UTRN: variants seen among roughly 807,000 people sequenced by gnomAD.
UTRN encodes the protein utrophin.
A neutral mutation model predicts 463.9 loss-of-function variants in UTRN; 283 were observed. The ratio of observed to expected loss-of-function variants is 0.61; its 90% CI spans 0.55 to 0.67. The LOEUF is 0.67. Ranked by LOEUF, UTRN falls within the 30% of genes least tolerant of loss-of-function variation. The pLI, the probability that UTRN is intolerant of heterozygous loss-of-function variation, is 0.00. For synonymous variants in UTRN, 1,442 were observed against 1,431.5 expected (o/e 1.01, Z -0.17); for missense variants, 3,922 against 4,084.3 (o/e 0.96, Z 1.08).
At chr6:144,798,087 G>T in intron 64 of UTRN, 97 bp downstream of exon 64, 2 of 1,538,674 alleles carry the variant, frequency 1.3e-6, no homozygotes, top group Middle Eastern at 1.7e-4. Context: ...CCCATTTGGA[G>T]GTTTGCTTTC....
intron 46 of UTRN, among the ~76,000 whole-genome samples, chr6:144,545,590 T>C (rs957092273): frequency 2.0e-5 from 3 of 152,260 alleles, no homozygotes; most frequent in African/African-American, 7.2e-5. Context: ...ATGTTTCACA[T>C]ACTCACTTCC....
chr6:144,626,708 C>T (rs567782519), intron 51 of UTRN, among the ~76,000 whole-genome samples: 5 of 152,054 alleles, frequency 3.3e-5, no homozygotes, highest in South Asian at 2.1e-4. Context: ...GGCACAATTT[C>T]GGCTCGCTGC....
chr6:144,590,263 T>A (rs1562616053), intron 51 of UTRN, among the ~76,000 whole-genome samples: 4 of 152,198 alleles, frequency 2.6e-5, no homozygotes, highest in Admixed American at 6.5e-5. Context: ...TAAAGATTTT[T>A]AAAAATGAGT....
chr6:144,384,109 T>C (rs1471199609), intron 2 of UTRN, among the ~76,000 whole-genome samples: 2 of 152,218 alleles, frequency 1.3e-5, no homozygotes, highest in African/African-American at 2.4e-5. Flanking sequence ...CCATTTGAAA[T>C]GTACATACAT....
At chr6:144,792,491 G>A (rs980235836) in intron 62 of UTRN, among the ~76,000 whole-genome samples, 1 of 151,864 alleles carries the variant, frequency 6.6e-6, no homozygotes, top group Non-Finnish European at 1.5e-5. Flanking sequence ...AGGTTGCAGC[G>A]AGCCAAGATC....
chr6:144,732,295 T>C lies in UTRN; in HGVS notation c.7939+1809T>C, dbSNP rs866892869. ...ATATATATACACACATATATATATA[T>C]ACACATATATATATATAAAAAATGT... On this transcript the variant is annotated intron_variant, in intron 54 of 74. Coordinates refer to ENST00000367545, the MANE Select transcript of UTRN (RefSeq NM_007124.3). Among the ~76,000 whole-genome samples, 252 of 119,006 alleles carry C rather than the reference T, an allele frequency of 2.1e-3. 3 individuals are homozygous for C. Among genetic ancestry groups the C allele is most frequent in the African/African-American group, 6.3e-3 (205 of 32,412 alleles). 78.1% of individuals were successfully genotyped at this position (119,006 alleles called of 152,430 possible).
At chr6:144,571,498 A>C (rs777385071) in intron 50 of UTRN, among the ~76,000 whole-genome samples, 42 of 152,268 alleles carry the variant, frequency 2.8e-4, no homozygotes, top group Non-Finnish European at 3.4e-4. Flanking sequence ...TCTAAATAAA[A>C]TGGGTATGCC....
chr6:144,505,224 A>G (rs1794595871), intron 34 of UTRN, among the ~76,000 whole-genome samples: 1 of 152,098 alleles, frequency 6.6e-6, no homozygotes, highest in Non-Finnish European at 1.5e-5. Context: ...TCCTGGATTC[A>G]TTGAATTTTT....
chr6:144,735,875 CAT>C (rs1330817949), intron 54 of UTRN, among the ~76,000 whole-genome samples: 5 of 151,574 alleles, frequency 3.3e-5, no homozygotes, highest in African/African-American at 7.3e-5. Context: ...TTTGGGCACA[CAT>C]GTTTCAAATC....
At chr6:144,478,153 A>C (rs931187205) in intron 25 of UTRN, among the ~76,000 whole-genome samples, 1 of 152,222 alleles carries the variant, frequency 6.6e-6, no homozygotes, top group Non-Finnish European at 1.5e-5. Context: ...CATATAAAAC[A>C]AATCAACAAA....
At chr6:144,848,691 GTTGGAGGACAGGACCA>G (rs1435204744) in intron 74 of UTRN, among the ~76,000 whole-genome samples, 1 of 152,168 alleles carries the variant, frequency 6.6e-6, no homozygotes, top group Admixed American at 6.5e-5. Flanking sequence ...GGCTAAGAAG[GTTGGAGGACAGGACCA>G]TTGGAGGAAA....
chr6:144,421,996 C>T (rs780532072), intron 4 of UTRN, 26 bp downstream of exon 4: 17 of 1,582,034 alleles, frequency 1.1e-5, no homozygotes, highest in East Asian at 6.9e-5. Flanking sequence ...TTGTAAACAA[C>T]GGAGTCTCCG....
intron 2 of UTRN, among the ~76,000 whole-genome samples, chr6:144,325,403 CT>C (rs1415876464): frequency 6.6e-6 from 1 of 152,110 alleles, no homozygotes; most frequent in Non-Finnish European, 1.5e-5. Flanking sequence ...GCCCTTTCAC[CT>C]TTTTCCATGG....
chr6:144,454,215 A>G (rs1399513425), intron 19 of UTRN, among the ~76,000 whole-genome samples: 6 of 152,118 alleles, frequency 3.9e-5, no homozygotes, highest in Admixed American at 1.3e-4. Flanking sequence ...GCAAAAGAAA[A>G]CTTTACTTGG....
intron 2 of UTRN, among the ~76,000 whole-genome samples, chr6:144,392,331 A>G (rs113091957): frequency 6.6e-6 from 1 of 152,336 alleles, no homozygotes; most frequent in African/African-American, 2.4e-5. Flanking sequence ...GATAACTAAA[A>G]TCCTCCAGCC....
intron 50 of UTRN, among the ~76,000 whole-genome samples, chr6:144,573,929 T>C (rs565079170): frequency 5.3e-5 from 8 of 152,276 alleles, no homozygotes; most frequent in African/African-American, 1.7e-4. Context: ...GATTAATCAT[T>C]GTTTGAAGAG....
rs561495582 is a variant in UTRN at position 144,286,988 on chromosome 6, G to C, written c.-93+1167G>C. On this transcript the variant is annotated intron_variant, in intron 1 of 74. Transcript: ENST00000367545. This position sits in a 1 kb window ranked among gnomAD's most constrained non-coding sequence, Gnocchi z 4.4. ...GCCGCGGCCAGAGCGCGCGGAGCTC[G>C]GGGGAGGCCGGATTCCCTAGGTCTG... Among the ~76,000 whole-genome samples the C allele has an allele frequency of 2.5e-3, 386 of 152,268 alleles. 2 individuals are homozygous for C. Among genetic ancestry groups the C allele is most frequent in the African/African-American group, 8.7e-3 (363 of 41,556 alleles).
At chr6:144,650,390 G>A (rs765555950) in intron 51 of UTRN, among the ~76,000 whole-genome samples, 6 of 152,164 alleles carry the variant, frequency 3.9e-5, no homozygotes, top group Non-Finnish European at 8.8e-5. Context: ...GTGTATATGT[G>A]GGTGTATTAA....
chr6:144,604,587 T>C (rs1804625524), intron 51 of UTRN, among the ~76,000 whole-genome samples: 3 of 152,190 alleles, frequency 2.0e-5, no homozygotes, highest in African/African-American at 4.8e-5. Flanking sequence ...GAATACTTTG[T>C]AATTTTTTTT....
Sources: allele counts gnomAD v4.1 joint callset (sites outside exome capture counted in the v4.1 genomes callset), GRCh38; gene constraint gnomAD v4.1.1; non-coding constraint Gnocchi (gnomAD v3.1); transcripts MANE v1.5; gene names NCBI Gene and HGNC (gene_info 2026-07-23, HGNC 2026-07-21).